Variants in MORC1 observed in about 807,000 individuals in gnomAD.
MORC1 encodes MORC family CW-type zinc finger protein 1.
Under a neutral mutation model 134.9 loss-of-function variants are expected in MORC1, and 59 were observed. That is an observed-to-expected ratio of 0.44 (90% CI 0.35 to 0.54). The LOEUF (loss-of-function observed/expected upper bound fraction) is 0.54. MORC1 is among the 20% of genes least tolerant of loss of function. The probability of loss-of-function intolerance (pLI) is 0.00; values close to 1 mark genes in which losing one functional copy is unlikely to be tolerated. For missense variants in MORC1, 947 were observed against 1,134.5 expected (o/e 0.83, Z 2.37); for synonymous variants, 395 against 391.7 (o/e 1.01, Z -0.10).
chr3:109,019,726 C>T (rs930029419), intron 17 of MORC1, among the ~76,000 whole-genome samples: 1 of 152,134 alleles, frequency 6.6e-6, no homozygotes, highest in African/African-American at 2.4e-5. Flanking sequence ...GATTAAATGT[C>T]AGTGAATTTA....
At chr3:108,994,390 A>G (rs1377332884) in intron 21 of MORC1, among the ~76,000 whole-genome samples, 1 of 151,948 alleles carries the variant, frequency 6.6e-6, no homozygotes, top group African/African-American at 2.4e-5. Context: ...CAAAAGGGCC[A>G]GTCAGTCAAT....
At chr3:109,025,844 T>TA (rs1949062312) in intron 17 of MORC1, among the ~76,000 whole-genome samples, 1 of 152,234 alleles carries the variant, frequency 6.6e-6, no homozygotes, top group South Asian at 2.1e-4. Context: ...AAAAAGACTG[T>TA]ATAATATCTG....
intron 17 of MORC1, 100 bp from the exon 18 acceptor site, chr3:109,007,191 C>G: frequency 1.2e-6 from 1 of 831,910 alleles, no homozygotes; most frequent in South Asian, 1.9e-5. Context: ...AAAGAAGGGT[C>G]AAGATAGCAA....
intron 3 of MORC1, 48 bp from the exon 4 acceptor site, chr3:109,103,965 TAGTC>T: frequency 6.6e-7 from 1 of 1,510,052 alleles, no homozygotes; most frequent in South Asian, 1.1e-5. Context: ...CTTAATTTGT[TAGTC>T]AGAAAGTCAT....
chr3:109,076,195 A>G (rs1368270394), intron 8 of MORC1, among the ~76,000 whole-genome samples: 2 of 152,250 alleles, frequency 1.3e-5, no homozygotes, highest in Non-Finnish European at 2.9e-5. Flanking sequence ...TTCTCAAAAG[A>G]AGACATTTAT....
At chr3:109,034,361 T>A (rs1259859137) in intron 15 of MORC1, among the ~76,000 whole-genome samples, 2 of 152,218 alleles carry the variant, frequency 1.3e-5, no homozygotes, top group Non-Finnish European at 2.9e-5. Context: ...GAGCTGTTAG[T>A]TACAGATATT....
intron 11 of MORC1, among the ~76,000 whole-genome samples, chr3:109,060,713 T>C (rs1374063327): frequency 6.6e-6 from 1 of 152,174 alleles, no homozygotes; most frequent in Non-Finnish European, 1.5e-5. Flanking sequence ...CTCTCTTCTC[T>C]GCCTTAAAGA....
At chr3:109,115,225 G>C (rs566558419) in intron 1 of MORC1, among the ~76,000 whole-genome samples, 1 of 152,166 alleles carries the variant, frequency 6.6e-6, no homozygotes, top group East Asian at 1.9e-4. Flanking sequence ...AGAAGCAAGA[G>C]AGCCTCATTT....
rs535029849 is a variant in MORC1 at position 109,054,174 on chromosome 3, C to G, written c.1330+554G>C. Among the ~76,000 whole-genome samples, 178 of 151,082 alleles carry G rather than the reference C, an allele frequency of 1.2e-3. 1 individual carries two copies. Among genetic ancestry groups the G allele is most frequent in the African/African-American group, 4.1e-3 (170 of 41,064 alleles). On this transcript the variant is annotated intron_variant, in intron 14 of 27. Transcript: ENST00000232603. ...GCAGGTGCCTGTAATCCCAGCCACTCGGGAGGCTGAGGCAGAGAATTGCTT... is the reference window on the plus strand; with the variant it reads ...GCAGGTGCCTGTAATCCCAGCCACTGGGGAGGCTGAGGCAGAGAATTGCTT...
intron 24 of MORC1, among the ~76,000 whole-genome samples, chr3:108,976,139 T>C (rs1261252465): frequency 1.3e-5 from 2 of 152,144 alleles, no homozygotes; most frequent in East Asian, 3.8e-4. Flanking sequence ...CATAATTAGG[T>C]AATGAGTATG....
chr3:109,100,620 TG>T, intron 4 of MORC1, 113 bp from the exon 5 acceptor site: 1 of 799,908 alleles, frequency 1.3e-6, no homozygotes, highest in South Asian at 1.5e-5. Flanking sequence ...CCATAGCTCT[TG>T]GGTCAGCCCA....
intron 26 of MORC1, among the ~76,000 whole-genome samples, chr3:108,968,511 C>T (rs910379373): frequency 1.3e-5 from 2 of 152,190 alleles, no homozygotes; most frequent in Non-Finnish European, 2.9e-5. Flanking sequence ...TTCTTTTTCA[C>T]TTATAAAACA....
At chr3:109,103,238 T>C (rs1950962799) in intron 4 of MORC1, among the ~76,000 whole-genome samples, 1 of 152,224 alleles carries the variant, frequency 6.6e-6, no homozygotes, top group Non-Finnish European at 1.5e-5. Context: ...TGCCCTCAGA[T>C]GGAATCACAT....
intron 25 of MORC1, 83 bp from the exon 26 acceptor site, chr3:108,969,805 T>A: frequency 7.3e-7 from 1 of 1,363,490 alleles, no homozygotes; most frequent in South Asian, 1.2e-5. Flanking sequence ...ACACAAGCAT[T>A]GAGTATAAAA....
Position 109,099,542 on chromosome 3 carries a change from C to A in MORC1, c.315-76G>T, listed in dbSNP as rs140059081. 1.7e-5 allele frequency: 18 copies of A among 1,053,642 alleles called. No individual in the cohort carries two copies. The Admixed American group carries it at 3.6e-4, about 21-fold the overall frequency. 65.3% of individuals were successfully genotyped at this position (1,053,642 alleles called of 1,614,324 possible). A position where few individuals can be genotyped will look rare whatever the true frequency, so the allele number is the denominator to read the frequency against. On this transcript the variant is annotated intron_variant, in intron 5 of 27. Transcript: ENST00000232603. ...GAAGAAACAGGCAGACTGTTATCAC[C>A]GTGTACTGTAACAGGATGTTCTTTC...
intron 14 of MORC1, among the ~76,000 whole-genome samples, chr3:109,045,722 G>A (rs955720861): frequency 1.3e-5 from 2 of 152,174 alleles, no homozygotes; most frequent in Non-Finnish European, 2.9e-5. Context: ...GTGGCATGCG[G>A]TTGTGCTAGT....
In MORC1 at chr3:108,986,868, AT is replaced by A. The variant is rs11433147; in HGVS notation, c.2257+11del. The A allele has an allele frequency of 2.7e-5, 37 of 1,365,812 alleles. No homozygotes were observed. The highest frequency in any genetic ancestry group is 1.4e-4 in the Admixed American group (6 of 43,752). The allele number at this position is 1,365,812 out of a possible 1,614,324, so 84.6% of individuals were successfully genotyped here. ...CTAATATATATATATACATGAGCTG[AT>A]TTTTTTTTACCTTGGTTTAAAAGAG... On this transcript the variant is annotated intron_variant, in intron 22 of 27. Transcript: ENST00000232603.
intron 17 of MORC1, among the ~76,000 whole-genome samples, chr3:109,013,050 C>T (rs1047111107): frequency 6.6e-6 from 1 of 152,074 alleles, no homozygotes; most frequent in Admixed American, 6.5e-5. Flanking sequence ...TTTGTAGATG[C>T]CCTTTATCAG....
At chr3:109,009,136 C>CTA (rs1175259371) in intron 17 of MORC1, among the ~76,000 whole-genome samples, 12 of 151,804 alleles carry the variant, frequency 7.9e-5, no homozygotes, top group Admixed American at 7.9e-4. Flanking sequence ...AAGTTTGATC[C>CTA]CTAGTAGTTT....
Sources: allele counts gnomAD v4.1 joint callset (sites outside exome capture counted in the v4.1 genomes callset), GRCh38; gene constraint gnomAD v4.1.1; transcripts MANE v1.5; gene names NCBI Gene and HGNC (gene_info 2026-07-23, HGNC 2026-07-21).